SLFN14: variants seen among roughly 807,000 people sequenced by gnomAD.
SLFN14 encodes schlafen family member 14, also known as protein SLFN14.
In SLFN14, 47 loss-of-function variants were observed where a neutral mutation model predicts 58.6. The ratio of observed to expected loss-of-function variants is 0.80; its 90% CI spans 0.64 to 1.02. The LOEUF (loss-of-function observed/expected upper bound fraction) is 1.02. Among genes scored for constraint, SLFN14 ranks in the 50% least tolerant of loss-of-function variants. The pLI is 0.00. For missense variants in SLFN14, 967 were observed against 1,078.4 expected, an observed-to-expected ratio of 0.90 and a Z score of 1.45; for synonymous variants, 390 against 387.3, an observed-to-expected ratio of 1.01 and a Z score of -0.08.
At chr17:35,556,734 G>A (rs762771923) in intron 3 of SLFN14, among the ~76,000 whole-genome samples, 21 of 152,044 alleles carry the variant, frequency 1.4e-4, no homozygotes, top group Non-Finnish European at 2.5e-4. Flanking sequence ...GCAGTGAGCC[G>A]AGGTCACACC....
At position 35,553,031 on chromosome 17, in the gene SLFN14, G is replaced by A. The variant is rs1426540521; in HGVS notation, c.1603C>T (p.Leu535Phe). The change falls in exon 5 of 6, where the codon CTT becomes TTT. Residue 535 changes from leucine to phenylalanine, a missense_variant. Transcript: ENST00000674182. Reference sequence around the variant, plus strand: ...TCTTCCATTTCCTCCTCATCAGCAAGCCTGTAGGACCTGGGGTAACGCAGG... The same window carrying A: ...TCTTCCATTTCCTCCTCATCAGCAAACCTGTAGGACCTGGGGTAACGCAGG... The part of the protein sequence containing the change: ...IPLRYPRSYR[L>F]ADEEEMEDLL... The A allele has an allele frequency of 6.4e-7, 1 of 1,551,488 alleles. No homozygotes were observed. Among genetic ancestry groups the A allele is most frequent in the Non-Finnish European group, 8.7e-7 (1 of 1,146,990 alleles).
chr17:35,558,890 A>T (rs986704495), intron 2 of SLFN14, among the ~76,000 whole-genome samples: 1 of 152,078 alleles, frequency 6.6e-6, no homozygotes, highest in South Asian at 2.1e-4. Context: ...ATTTTACAGT[A>T]TATGTACTGT....
rs541132843 is a variant in SLFN14, at chr17:35,549,084, G to A, written c.1905-11C>T. 86 of 1,543,810 alleles carry A rather than the reference G, an allele frequency of 5.6e-5. No homozygotes were observed. Among genetic ancestry groups the A allele is most frequent in the East Asian group, 1.7e-4 (7 of 40,884 alleles). On this transcript the variant is annotated splice_polypyrimidine_tract_variant and intron_variant, in intron 5 of 5. Transcript: ENST00000674182. ...CAGGTGGTTTGTTGGCTGTAAGGAC[G>A]GAAAAAACAGGGCTTGAGGCATATC...
chr17:35,551,636 C>T (rs2072588619), intron 5 of SLFN14, among the ~76,000 whole-genome samples: 1 of 152,198 alleles, frequency 6.6e-6, no homozygotes, highest in Non-Finnish European at 1.5e-5. Context: ...GAACGGGTCT[C>T]TGACTCCCTG....
chr17:35,544,865 C>T lies in SLFN14; in HGVS notation c.*3374G>A, dbSNP rs1015007531. ...TTTTAATTTTGCCTTTCTCCATTTC[C>T]GAAGCTTCCATGATAATATTATATT... On this transcript the variant is annotated 3_prime_UTR_variant, in exon 6 of 6. Transcript: ENST00000674182. Among the ~76,000 whole-genome samples the T allele has an allele frequency of 1.3e-5, 2 of 152,066 alleles. No individual in the cohort carries two copies. Among genetic ancestry groups the T allele is most frequent in the Non-Finnish European group, 2.9e-5 (2 of 68,010 alleles).
chr17:35,554,297 G>T (rs1454114752), intron 4 of SLFN14, among the ~76,000 whole-genome samples: 1 of 145,764 alleles, frequency 6.9e-6, no homozygotes, highest in Non-Finnish European at 1.5e-5. Context: ...CAGATATATA[G>T]ATATATAAAT....
At chr17:35,558,825 T>C (rs1242816946) in intron 2 of SLFN14, among the ~76,000 whole-genome samples, 1 of 152,104 alleles carries the variant, frequency 6.6e-6, no homozygotes, top group African/African-American at 2.4e-5. Context: ...AAGATGCTCT[T>C]ATTTATAATT....
At chr17:35,549,152 C>A (rs1038512256) in intron 5 of SLFN14, 79 bp from the exon 6 acceptor site, 1 of 1,149,312 alleles carries the variant, frequency 8.7e-7, no homozygotes, top group African/African-American at 1.6e-5. Context: ...GGAATGGAAT[C>A]AGAGGCTGAT....
rs201925004 is a variant in SLFN14 at position 35,552,647 on chromosome 17, T to TAC, written c.1904+81_1904+82dup. 2.0e-5 allele frequency: 9 copies of TAC among 458,976 alleles called. 1 individual carries two copies. The highest frequency in any genetic ancestry group is 8.3e-5 in the South Asian group (2 of 24,214). The allele number at this position is 458,976 out of a possible 1,614,324, so 28.4% of individuals were successfully genotyped here. A position where few individuals can be genotyped will look rare whatever the true frequency, so the allele number is the denominator to read the frequency against. On this transcript the variant is annotated intron_variant, in intron 5 of 5. Transcript: ENST00000674182. Reference sequence around the variant, plus strand: ...ATACACATATATATACATATATATATACACATATATATACACATATATATA... The same window carrying TAC: ...ATACACATATATATACATATATATATACACACATATATATACACATATATATA...
Position 35,553,411 on chromosome 17 carries a change from G to A in SLFN14, c.1223C>T (p.Ser408Phe), listed in dbSNP as rs531852698. ...ATCTGAGAACAGCTTCTTACAGAGGGATTCTGGTTTAAATTGTACCTCTTC... is the reference window on the plus strand; with the variant it reads ...ATCTGAGAACAGCTTCTTACAGAGGAATTCTGGTTTAAATTGTACCTCTTC... ...TQEEVQFKPESLCKKLFSDHK... is the reference protein window; with the variant it reads ...TQEEVQFKPEFLCKKLFSDHK... The change falls in exon 5 of 6, where the codon TCC becomes TTC. Residue 408 changes from serine to phenylalanine, a missense_variant. Physicochemically the swap from Ser to Phe is radical, Grantham distance 155. Coordinates refer to ENST00000674182, the MANE Select transcript of SLFN14 (RefSeq NM_001129820.2). 1.1e-5 allele frequency: 17 copies of A among 1,550,268 alleles called. No homozygotes were observed. The highest frequency in any genetic ancestry group is 9.5e-5 in the South Asian group (8 of 83,852).
Position 35,554,601 on chromosome 17 carries a change from C to T in SLFN14, c.1164G>A (p.Glu388=). The change falls in exon 4 of 6, where the codon GAG becomes GAA. Residue 388 remains glutamate (E), a synonymous_variant. Transcript: ENST00000674182. ...GYPIKVHKFK[E]ALQRHLFPVT... ...CTGGAAACAAATGTCGTTGCAGAGC[C>T]TCCTTAAATTTGTGGACTTTTATGG... 6.5e-7 allele frequency: 1 copy of T among 1,532,254 alleles called. No individual in the cohort carries two copies. The highest frequency in any genetic ancestry group is 8.8e-7 in the Non-Finnish European group (1 of 1,138,732). The allele number at this position is 1,532,254 out of a possible 1,614,324, so 94.9% of individuals were successfully genotyped here. A position where few individuals can be genotyped will look rare whatever the true frequency, so the allele number is the denominator to read the frequency against.
Position 35,557,846 on chromosome 17 carries a change from A to G in SLFN14, c.217T>C (p.Cys73Arg). ...TCCAAATCCTGTCCCAGCCCATGGC[A>G]TTGGTAACTATAGGTTTTATCATCA... is the stretch of plus-strand genomic sequence containing the variant. ...EIDDKTYSYQ[C>R]HGLGQDLETS... Residue 73 changes from cysteine (C) to arginine (R), a missense_variant, in exon 3 of 6, where the codon TGC (cysteine) becomes CGC (arginine). Transcript: ENST00000674182. The G allele has an allele frequency of 6.4e-7, 1 of 1,551,736 alleles. No homozygotes were observed. The highest frequency in any genetic ancestry group is 8.7e-7 in the Non-Finnish European group (1 of 1,146,988).
At chr17:35,549,155 A>C in intron 5 of SLFN14, 82 bp from the exon 6 acceptor site, 10 of 1,087,514 alleles carry the variant, frequency 9.2e-6, no homozygotes, top group African/African-American at 3.2e-5. Context: ...ATGGAATCAG[A>C]GGCTGATTCT....
intron 5 of SLFN14, 22 bp from the exon 6 acceptor site, chr17:35,549,095 G>C: frequency 1.3e-6 from 2 of 1,531,562 alleles, no homozygotes; most frequent in Non-Finnish European, 8.8e-7. Flanking sequence ...GAAAAAACAG[G>C]GCTTGAGGCA....
rs926177007 is a variant in SLFN14 at position 35,557,773 on chromosome 17, T to C, written c.290A>G (p.Asp97Gly). The C allele has an allele frequency of 1.3e-6, 2 of 1,551,588 alleles. No homozygotes were observed. The highest frequency in any genetic ancestry group is 2.7e-5 in the African/African-American group (2 of 73,026). ...GAGATTGTGCCCCTGCTGCATGTAG[T>C]CAAGGTATTTCTGTGAACCTGAAGG... ...LLPSGSQKYL[D>G]YMQQGHNLLI... is the part of the protein sequence containing the mutation. Residue 97 changes from aspartate (D) to glycine (G), a missense_variant, in exon 3 of 6, where the codon GAC becomes GGC. Coordinates refer to ENST00000674182, the MANE Select transcript of SLFN14 (RefSeq NM_001129820.2).
chr17:35,557,495 A>T lies in SLFN14; in HGVS notation c.568T>A (p.Phe190Ile). 1 of 1,551,708 alleles carries T rather than the reference A, an allele frequency of 6.4e-7. No individual in the cohort carries two copies. The highest frequency in any genetic ancestry group is 8.7e-7 in the Non-Finnish European group (1 of 1,146,998). Residue 190 changes from phenylalanine (F) to isoleucine (I), a missense_variant, in exon 3 of 6, where the codon TTT becomes ATT. Phe to Ile is a conservative substitution (Grantham distance 21). Coordinates refer to ENST00000674182, the MANE Select transcript of SLFN14 (RefSeq NM_001129820.2). ...EEDMRILASEFFKKDKLMYKE... is the reference protein window; with the variant it reads ...EEDMRILASEIFKKDKLMYKE... ...TACATGAGTTTGTCCTTTTTAAAAA[A>T]TTCTGAGGCCAATATCCTCATATCT...
chr17:35,549,059 C>T lies in SLFN14; in HGVS notation c.1919G>A (p.Cys640Tyr). ...GAAAGTTTTCCTGGTCACAGCTTGG[C>T]AGGTGGTTTGTTGGCTGTAAGGACG... ...LKDFVTQQTT[C>Y]QAVTRKTFMQ... The change falls in exon 6 of 6, where the codon TGC becomes TAC. Residue 640 changes from cysteine to tyrosine, a missense_variant. Cys to Tyr is a radical substitution (Grantham distance 194, BLOSUM62 -2). Transcript: ENST00000674182. 6.4e-7 allele frequency: 1 copy of T among 1,551,310 alleles called. No individual in the cohort carries two copies. The highest frequency in any genetic ancestry group is 8.7e-7 in the Non-Finnish European group (1 of 1,146,874).
rs371510564 is a variant in SLFN14 at position 35,557,924 on chromosome 17, G to C, written c.139C>G (p.Arg47Gly). The C allele has an allele frequency of 1.9e-5, 29 of 1,551,440 alleles. No individual in the cohort carries two copies. The highest frequency in any genetic ancestry group is 2.4e-5 in the Non-Finnish European group (27 of 1,146,970). The change falls in exon 3 of 6, where the codon CGG becomes GGG. Residue 47 changes from arginine (R) to glycine (G), a missense_variant. By Grantham distance (125) the Arg-to-Gly change is moderately radical. Transcript: ENST00000674182. The stretch of plus-strand genomic sequence containing the variant: ...GAATTTAACAGTGCACATATAGCCC[G>C]GATAATTCTAGAATTCTCAGATCTT... ...LKRSENSRII[R>G]AICALLNSGG...
chr17:35,547,331 G>A lies in SLFN14; in HGVS notation c.*908C>T, dbSNP rs961528110. On this transcript the variant is annotated 3_prime_UTR_variant, in exon 6 of 6. Transcript: ENST00000674182. ...TGCAATCTTATTTTATATTAAGTTGGTGCAAAAGTAATTGTGGCTTTTGCA... is the reference window on the plus strand; with the variant it reads ...TGCAATCTTATTTTATATTAAGTTGATGCAAAAGTAATTGTGGCTTTTGCA... Among the ~76,000 whole-genome samples the A allele has an allele frequency of 3.9e-5, 6 of 152,092 alleles. No individual in the cohort carries two copies. The highest frequency in any genetic ancestry group is 1.9e-4 in the East Asian group (1 of 5,176).
Sources: allele counts gnomAD v4.1 joint callset (sites outside exome capture counted in the v4.1 genomes callset), GRCh38; gene constraint gnomAD v4.1.1; transcripts MANE v1.5; gene names NCBI Gene and HGNC (gene_info 2026-07-23, HGNC 2026-07-21).